The following CPM variants were observed in gnomAD, a reference collection of about 807,000 sequenced individuals.
The protein encoded by CPM is carboxypeptidase M.
A neutral mutation model predicts 46.4 loss-of-function variants in CPM; 35 were observed. That is an observed-to-expected ratio of 0.75 (90% CI 0.58 to 1.00). CPM has a LOEUF of 1.00. Among genes scored for constraint, CPM ranks in the 50% least tolerant of loss-of-function variants. The probability of loss-of-function intolerance (pLI) is 0.00; values close to 1 mark genes in which losing one functional copy is unlikely to be tolerated. For synonymous variants in CPM, 195 were observed against 195.3 expected (o/e 1.00, Z 0.01); for missense variants, 422 against 530.4 (o/e 0.80, Z 2.01).
Position 68,885,646 on chromosome 12 carries a change from C to A in CPM, c.258+146G>T, listed in dbSNP as rs530439792. Reference sequence around the variant, plus strand: ...ATTCCTTAACCTCCCACAGGCCTCACAGGAAGACCTCTCTGGGCCTTGCTT... The same window carrying A: ...ATTCCTTAACCTCCCACAGGCCTCAAAGGAAGACCTCTCTGGGCCTTGCTT... On this transcript the variant is annotated intron_variant, in intron 3 of 8. Coordinates refer to ENST00000551568, the MANE Select transcript of CPM (RefSeq NM_198320.5). 4.8e-5 allele frequency: 31 copies of A among 647,804 alleles called. No homozygotes were observed. The African/African-American group carries it at 5.1e-4, about 11-fold the overall frequency. The allele number at this position is 647,804 out of a possible 1,614,324, so 40.1% of individuals were successfully genotyped here.
At chr12:68,891,333 C>T (rs959316889) in intron 2 of CPM, among the ~76,000 whole-genome samples, 2 of 152,164 alleles carry the variant, frequency 1.3e-5, no homozygotes, top group South Asian at 2.1e-4. Context: ...GTTCACACGC[C>T]CTCTGTATTT....
At chr12:68,867,477 C>T (rs1885504709) in intron 6 of CPM, among the ~76,000 whole-genome samples, 1 of 152,150 alleles carries the variant, frequency 6.6e-6, no homozygotes, top group African/African-American at 2.4e-5. Context: ...GCTAAGCATG[C>T]TAATTTGGGG....
chr12:68,879,356 A>G (rs1886091624), intron 3 of CPM, among the ~76,000 whole-genome samples: 1 of 152,038 alleles, frequency 6.6e-6, no homozygotes, highest in Non-Finnish European at 1.5e-5. Flanking sequence ...GTTGGCTTAA[A>G]ACTCTAGGCA....
intron 2 of CPM, 75 bp from the exon 3 acceptor site, chr12:68,885,964 G>A (rs906313187): frequency 5.4e-5 from 67 of 1,236,814 alleles, no homozygotes; most frequent in Middle Eastern, 3.8e-4. Flanking sequence ...GTAAGACTAG[G>A]AAACAGGATG....
intron 5 of CPM, chr12:68,843,713 CTCTG>C (rs1003322227): frequency 9.0e-6 from 2 of 222,060 alleles, no homozygotes; most frequent in Admixed American, 5.8e-5. Flanking sequence ...CTCTCTCTCT[CTCTG>C]TCTGTCTCAA....
intron 7 of CPM, among the ~76,000 whole-genome samples, chr12:68,860,048 C>T (rs1185746159): frequency 2.0e-5 from 3 of 152,154 alleles, no homozygotes; most frequent in Non-Finnish European, 4.4e-5. Context: ...ATACGAGGCA[C>T]ACGTAACAGT....
chr12:68,893,022 G>C (rs1188691319), intron 2 of CPM, among the ~76,000 whole-genome samples: 2 of 151,690 alleles, frequency 1.3e-5, no homozygotes, highest in Non-Finnish European at 2.9e-5. Flanking sequence ...TGCATGCAGG[G>C]CTTAAAACCT....
At chr12:68,888,153 C>A (rs1405827317) in intron 2 of CPM, among the ~76,000 whole-genome samples, 1 of 152,074 alleles carries the variant, frequency 6.6e-6, no homozygotes. Context: ...CAAGCAAGGA[C>A]AAAATTTCAG....
At chr12:68,883,479 G>T (rs1592658346) in intron 3 of CPM, among the ~76,000 whole-genome samples, 1 of 152,248 alleles carries the variant, frequency 6.6e-6, no homozygotes, top group African/African-American at 2.4e-5. Context: ...ACATAAGGGG[G>T]TAAAAGTGCT....
chr12:68,950,536 T>G (rs575376056), intron 1 of CPM, among the ~76,000 whole-genome samples: 6 of 152,158 alleles, frequency 3.9e-5, no homozygotes, highest in Non-Finnish European at 8.8e-5. Context: ...TGTCCAAGAT[T>G]TGGAAGGTGG....
intron 1 of CPM, among the ~76,000 whole-genome samples, chr12:68,942,560 C>T (rs965624478): frequency 1.3e-5 from 2 of 152,174 alleles, no homozygotes; most frequent in Admixed American, 6.6e-5. Flanking sequence ...TCATTCATTT[C>T]CTTATCAATT....
At chr12:68,934,598 A>G (rs1888636207), upstream of CPM, among the ~76,000 whole-genome samples, 2 of 152,098 alleles carry the variant, frequency 1.3e-5, no homozygotes, top group Non-Finnish European at 2.9e-5. Flanking sequence ...ATGGCTGCAT[A>G]GTATTCCGTG....
intron 2 of CPM, among the ~76,000 whole-genome samples, chr12:68,890,027 C>G (rs1215013809): frequency 6.6e-6 from 1 of 152,126 alleles, no homozygotes; most frequent in East Asian, 1.9e-4. Context: ...CTTCAGCCTG[C>G]CTGTACCCAG....
In CPM at chr12:68,858,955, G is replaced by C; in HGVS notation, c.1057C>G (p.Leu353Val). Residue 353 changes from leucine (L) to valine (V), a missense_variant, in exon 8 of 9, where the codon CTC becomes GTC. Transcript: ENST00000551568. ...ATATAAGACCCAGGCAAGAGAAGGA[G>C]ATAATACTCTCCATATTTGTTGGTT... ...YRTNKYGEYY[L>V]LLLPGSYIIN... is the part of the protein sequence containing the mutation. 6.5e-7 allele frequency: 1 copy of C among 1,540,912 alleles called. No homozygotes were observed. The highest frequency in any genetic ancestry group is 8.7e-7 in the Non-Finnish European group (1 of 1,143,930).
chr12:68,902,098 C>T (rs1424958786), intron 2 of CPM, among the ~76,000 whole-genome samples: 1 of 152,156 alleles, frequency 6.6e-6, no homozygotes, highest in Non-Finnish European at 1.5e-5. Context: ...AGCTACATGA[C>T]AATCACTCAA....
chr12:68,929,826 T>C (rs915510211), intron 2 of CPM, among the ~76,000 whole-genome samples: 3 of 152,080 alleles, frequency 2.0e-5, no homozygotes, highest in Admixed American at 1.3e-4. Context: ...CTACCGACTT[T>C]GTCAATTCAT....
chr12:68,882,024 C>CTGTTTTT (rs61409146), intron 3 of CPM, among the ~76,000 whole-genome samples: 4 of 124,766 alleles, frequency 3.2e-5, no homozygotes, highest in Non-Finnish European at 6.7e-5. Flanking sequence ...GCCCGGCCTG[C>CTGTTTTT]TTTTTTTTTT....
intron 7 of CPM, among the ~76,000 whole-genome samples, chr12:68,865,618 CCA>C (rs144954850): frequency 6.0e-5 from 9 of 150,846 alleles, no homozygotes; most frequent in Admixed American, 2.0e-4. Context: ...CCACACACAC[CCA>C]CACACACACA....
chr12:68,958,522 C>T (rs1364837273), intron 1 of CPM, among the ~76,000 whole-genome samples: 2 of 152,118 alleles, frequency 1.3e-5, no homozygotes, highest in African/African-American at 4.8e-5. Context: ...CCACCCACCC[C>T]AACCAATGCA....
Sources: gnomAD v4.1 joint callset for allele counts (sites outside exome capture counted in the v4.1 genomes callset) on GRCh38, gnomAD v4.1.1 for gene constraint, MANE v1.5 for transcripts, NCBI Gene and HGNC (gene_info 2026-07-23, HGNC 2026-07-21) for gene names.